PAGE1: variants seen among roughly 807,000 people sequenced by gnomAD.
PAGE1 encodes PAGE family member 1.
In PAGE1, 6 loss-of-function variants were observed where a neutral mutation model predicts 11.5. That is an observed-to-expected ratio of 0.52 (90% CI 0.29 to 1.03). The LOEUF is 1.03. Ranked by LOEUF, PAGE1 falls within the 50% of genes least tolerant of loss-of-function variation. PAGE1 has a pLI of 0.09. For missense variants in PAGE1, 120 were observed against 110.2 expected (o/e 1.09, Z -0.40); for synonymous variants, 42 against 40.2 (o/e 1.05, Z -0.17).
chrX:49,688,629 A>C (rs1430257044), intron 5 of PAGE1, among the ~76,000 whole-genome samples: 8 of 111,822 alleles, frequency 7.2e-5, no homozygotes, highest in Non-Finnish European at 1.5e-4. Context: ...ACAGGATCAG[A>C]GTATGAAAGA....
chrX:49,689,599 T>A (rs7884377), intron 4 of PAGE1, 56 bp from the exon 5 acceptor site: 2 of 74,331 alleles, frequency 2.7e-5, no homozygotes, highest in Non-Finnish European at 4.4e-5. Context: ...TATATATATA[T>A]ATATATATAT....
In PAGE1 at chrX:49,690,108, T is replaced by C. The variant is rs184181889; in HGVS notation, c.293-565A>G. Among the ~76,000 whole-genome samples the C allele has an allele frequency of 9.6e-4, 67 of 69,572 alleles. 2 individuals carry two copies. The highest frequency in any genetic ancestry group is 3.4e-3 in the East Asian group (6 of 1,785). The allele number at this position is 69,572 out of a possible 115,157, so 60.4% of individuals were successfully genotyped here. On this transcript the variant is annotated intron_variant, in intron 4 of 5. Transcript: ENST00000376150. ...ATATATGTGTATATATGTGTATATA[T>C]ACACATATATATGTGTATATATACA... is the stretch of plus-strand genomic sequence containing the variant.
At chrX:49,689,876 A>G (rs1363839222) in intron 4 of PAGE1, among the ~76,000 whole-genome samples, 1 of 58,330 alleles carries the variant, frequency 1.7e-5, no homozygotes, top group Non-Finnish European at 2.8e-5. Flanking sequence ...ATATATGTGT[A>G]TATACACACA....
At chrX:49,693,954 A>C (rs1236343138) in intron 3 of PAGE1, 145 bp downstream of exon 3, 4 of 371,782 alleles carry the variant, frequency 1.1e-5, no homozygotes, top group Admixed American at 9.2e-5. Context: ...TCACTTTTCC[A>C]GTCAATTTCT....
At chrX:49,693,474 CT>C (rs1323432671) in intron 3 of PAGE1, among the ~76,000 whole-genome samples, 1 of 110,989 alleles carries the variant, frequency 9.0e-6, no homozygotes, top group East Asian at 2.8e-4. Flanking sequence ...AGGATAATTC[CT>C]TTTTTTTGGT....
intron 3 of PAGE1, among the ~76,000 whole-genome samples, chrX:49,692,494 A>G (rs1330294440): frequency 8.9e-6 from 1 of 111,753 alleles, no homozygotes; most frequent in Non-Finnish European, 1.9e-5. Flanking sequence ...ACAATTGGTG[A>G]ATCTAGGTGA....
At chrX:49,692,693 GT>G (rs1352520453) in intron 3 of PAGE1, among the ~76,000 whole-genome samples, 1 of 110,848 alleles carries the variant, frequency 9.0e-6, no homozygotes, top group African/African-American at 3.3e-5. Context: ...AATTTTAAGT[GT>G]TATAGTTCAG....
Position 49,691,274 on chromosome X carries a change from T to C in PAGE1, c.267A>G (p.Glu89=). The C allele has an allele frequency of 1.7e-6, 2 of 1,211,010 alleles. No homozygotes were observed. Among genetic ancestry groups the C allele is most frequent in the Non-Finnish European group, 2.2e-6 (2 of 894,867 alleles). Residue 89 remains glutamate, a synonymous_variant, in exon 4 of 6, where the codon GAA becomes GAG. Coordinates refer to ENST00000376150, the MANE Select transcript of PAGE1 (RefSeq NM_003785.4). ...CTTCTGCGGGCAGTTTCATCTGCTC[T>C]TCATTTCGCAGGCACACCCTCTTGG... ...PDTKRVCLRN[E]EQMKLPAEGP... is the part of the protein sequence containing the mutation.
Position 49,694,732 on chromosome X carries a change from T to C in PAGE1, c.39A>G (p.Pro13=). The C allele has an allele frequency of 8.3e-7, 1 of 1,199,556 alleles. No individual in the cohort carries two copies. Among genetic ancestry groups the C allele is most frequent in the Non-Finnish European group, 1.1e-6 (1 of 886,023 alleles). The change falls in exon 2 of 6, where the codon CCA becomes CCG. Residue 13 remains proline, a synonymous_variant. Transcript: ENST00000376150. ...FLRRLIYRRR[P]MIYVESSEES... is the part of the protein sequence containing the mutation. Reference sequence around the variant, plus strand: ...CCTCAGAAGATTCTACATAGATCATTGGTCTACGCCGATAGATTAATCTTC... The same window carrying C: ...CCTCAGAAGATTCTACATAGATCATCGGTCTACGCCGATAGATTAATCTTC...
intron 4 of PAGE1, among the ~76,000 whole-genome samples, chrX:49,690,047 GTGTATATA>G (rs1489056418): frequency 2.9e-4 from 15 of 51,892 alleles, no homozygotes; most frequent in Non-Finnish European, 4.0e-4. Flanking sequence ...GTGTATATAT[GTGTATATA>G]TGTGTATATA....
intron 4 of PAGE1, among the ~76,000 whole-genome samples, chrX:49,690,869 CAA>C (rs781913120): frequency 2.9e-4 from 18 of 61,447 alleles, no homozygotes; most frequent in Admixed American, 7.6e-4. Context: ...TACTAAAATA[CAA>C]AAAAAAAAAA....
intron 3 of PAGE1, among the ~76,000 whole-genome samples, chrX:49,693,836 T>C (rs2066929557): frequency 9.0e-6 from 1 of 111,413 alleles, no homozygotes; most frequent in Non-Finnish European, 1.9e-5. Flanking sequence ...CAAGTGTTCT[T>C]GGACAAAACA....
At chrX:49,689,768 ATGTG>A (rs1277664304) in intron 4 of PAGE1, among the ~76,000 whole-genome samples, 2 of 63,357 alleles carry the variant, frequency 3.2e-5, no homozygotes, top group African/African-American at 6.5e-5. Flanking sequence ...ATACATATAT[ATGTG>A]TGTATATATA....
At chrX:49,692,529 T>C (rs1376470824) in intron 3 of PAGE1, among the ~76,000 whole-genome samples, 1 of 111,658 alleles carries the variant, frequency 9.0e-6, no homozygotes, top group Non-Finnish European at 1.9e-5. Flanking sequence ...CATTGTACTA[T>C]TCTTGCAAAT....
chrX:49,691,295 C>G lies in PAGE1; in HGVS notation c.246G>C (p.Lys82Asn). 1 of 1,210,817 alleles carries G rather than the reference C, an allele frequency of 8.3e-7. No individual in the cohort carries two copies. Among genetic ancestry groups the G allele is most frequent in the Non-Finnish European group, 1.1e-6 (1 of 894,603 alleles). ...GCELGDGPDT[K>N]RVCLRNEEQM... is the part of the protein sequence containing the mutation. Reference sequence around the variant, plus strand: ...GCTCTTCATTTCGCAGGCACACCCTCTTGGTATCAGGACCATCTCCAAGCT... The same window carrying G: ...GCTCTTCATTTCGCAGGCACACCCTGTTGGTATCAGGACCATCTCCAAGCT... Residue 82 changes from lysine to asparagine, a missense_variant, in exon 4 of 6, where the codon AAG becomes AAC. Physicochemically the swap from Lys to Asn is moderately conservative, Grantham distance 94. Coordinates refer to ENST00000376150, the MANE Select transcript of PAGE1 (RefSeq NM_003785.4).
chrX:49,690,869 CAAA>C (rs781913120), intron 4 of PAGE1, among the ~76,000 whole-genome samples: 4 of 61,514 alleles, frequency 6.5e-5, no homozygotes, highest in Admixed American at 1.9e-4. Flanking sequence ...TACTAAAATA[CAAA>C]AAAAAAAAAA....
intron 5 of PAGE1, among the ~76,000 whole-genome samples, chrX:49,687,855 G>A (rs1416095523): frequency 2.7e-5 from 3 of 112,615 alleles, no homozygotes; most frequent in Non-Finnish European, 5.6e-5. Flanking sequence ...AACATACTTC[G>A]GTGGATTACT....
intron 3 of PAGE1, among the ~76,000 whole-genome samples, chrX:49,691,634 T>C (rs1016176910): frequency 9.0e-6 from 1 of 111,506 alleles, no homozygotes; most frequent in Non-Finnish European, 1.9e-5. Flanking sequence ...TATCTGTTAT[T>C]GTATTTCTGA....
In PAGE1 at chrX:49,694,722, C is replaced by T; in HGVS notation, c.49G>A (p.Val17Ile). 8.4e-7 allele frequency: 1 copy of T among 1,195,529 alleles called. No homozygotes were observed. Among genetic ancestry groups the T allele is most frequent in the Non-Finnish European group, 1.1e-6 (1 of 882,536 alleles). Residue 17 changes from valine (V) to isoleucine (I), a missense_variant, in exon 2 of 6, where the codon GTA (valine) becomes ATA (isoleucine). Coordinates refer to ENST00000376150, the MANE Select transcript of PAGE1 (RefSeq NM_003785.4). ...GGCCCAATTACCTCAGAAGATTCTA[C>T]ATAGATCATTGGTCTACGCCGATAG... ...LIYRRRPMIY[V>I]ESSEESSDEQ...
Sources: gnomAD v4.1 joint callset for allele counts (sites outside exome capture counted in the v4.1 genomes callset) on GRCh38, gnomAD v4.1.1 for gene constraint, MANE v1.5 for transcripts, NCBI Gene and HGNC (gene_info 2026-07-23, HGNC 2026-07-21) for gene names.